ARHGAP32: variants seen among roughly 807,000 people sequenced by gnomAD.
The protein encoded by ARHGAP32 is rho GTPase-activating protein 32.
A neutral mutation model predicts 186.5 loss-of-function variants in ARHGAP32; 51 were observed. That is an observed-to-expected ratio of 0.27 (90% confidence interval 0.22 to 0.35). The LOEUF is 0.35. Ranked by LOEUF, ARHGAP32 falls within the 10% of genes least tolerant of loss-of-function variation. ARHGAP32 has a pLI of 1.00. For missense variants in ARHGAP32, 2,186 were observed against 2,623.5 expected (o/e 0.83, Z 3.64); for synonymous variants, 950 against 964.3 (o/e 0.99, Z 0.27).
chr11:129,162,887 G>A (rs1943559830), intron 2 of ARHGAP32, among the ~76,000 whole-genome samples: 1 of 152,074 alleles, frequency 6.6e-6, no homozygotes, highest in Admixed American at 6.6e-5. Flanking sequence ...AAAACAAGAA[G>A]GGAGATTTCC....
intron 1 of ARHGAP32, among the ~76,000 whole-genome samples, chr11:129,202,714 G>T (rs974954068): frequency 6.6e-6 from 1 of 152,084 alleles, no homozygotes; most frequent in Admixed American, 6.6e-5. Context: ...TTAATAAAAA[G>T]ATACAATAAC....
intron 2 of ARHGAP32, among the ~76,000 whole-genome samples, chr11:129,161,949 T>C (rs1342293729): frequency 6.6e-6 from 1 of 152,208 alleles, no homozygotes; most frequent in Non-Finnish European, 1.5e-5. Flanking sequence ...ATATACACCA[T>C]GGAATACTAT....
At chr11:129,157,140 C>T (rs1943427013) in intron 2 of ARHGAP32, among the ~76,000 whole-genome samples, 1 of 152,080 alleles carries the variant, frequency 6.6e-6, no homozygotes, top group African/African-American at 2.4e-5. Context: ...AGCAAAAAGG[C>T]TGAAAATTCC....
intron 1 of ARHGAP32, among the ~76,000 whole-genome samples, chr11:129,271,771 T>C (rs1252245102): frequency 3.3e-5 from 5 of 152,172 alleles, no homozygotes; most frequent in South Asian, 2.1e-4. Context: ...ACTAGTAAAG[T>C]TGGCCACTGT....
chr11:128,976,503 T>C (rs1039174352), intron 20 of ARHGAP32, 60 bp downstream of exon 20: 5 of 1,331,278 alleles, frequency 3.8e-6, no homozygotes, highest in Admixed American at 1.7e-5. Context: ...ATATACTCAA[T>C]TGCAGTATTC....
At chr11:129,133,262 C>T (rs1355553901) in intron 2 of ARHGAP32, among the ~76,000 whole-genome samples, 5 of 152,040 alleles carry the variant, frequency 3.3e-5, no homozygotes, top group Non-Finnish European at 7.4e-5. Context: ...TATGAACAGA[C>T]CTATAGATAG....
intron 5 of ARHGAP32, among the ~76,000 whole-genome samples, chr11:129,117,459 T>C (rs1305232723): frequency 6.6e-6 from 1 of 152,032 alleles, no homozygotes; most frequent in African/African-American, 2.4e-5. Flanking sequence ...CCCCTCAATA[T>C]TCCTACACTC....
chr11:129,211,710 T>C (rs1418324747), intron 1 of ARHGAP32, among the ~76,000 whole-genome samples: 1 of 152,224 alleles, frequency 6.6e-6, no homozygotes, highest in African/African-American at 2.4e-5. Flanking sequence ...TTCCAGAATC[T>C]ACATTTGAAA....
intron 1 of ARHGAP32, among the ~76,000 whole-genome samples, chr11:129,205,869 C>A (rs1944508768): frequency 6.6e-6 from 1 of 152,140 alleles, no homozygotes; most frequent in Admixed American, 6.5e-5. Context: ...AGTATGTACT[C>A]AAATATCATT....
intron 11 of ARHGAP32, among the ~76,000 whole-genome samples, chr11:129,003,186 G>C (rs563623905): frequency 6.6e-6 from 1 of 152,114 alleles, no homozygotes; most frequent in African/African-American, 2.4e-5. Flanking sequence ...ATGATGTATC[G>C]CATGTATTGA....
At chr11:129,178,209 A>C (rs906382710) in intron 1 of ARHGAP32, among the ~76,000 whole-genome samples, 3 of 152,102 alleles carry the variant, frequency 2.0e-5, no homozygotes, top group African/African-American at 7.2e-5. Flanking sequence ...CAAAGAGAAT[A>C]AAATACCTAG....
intron 1 of ARHGAP32, among the ~76,000 whole-genome samples, chr11:129,259,668 A>T (rs760628054): frequency 6.6e-6 from 1 of 152,174 alleles, no homozygotes; most frequent in Non-Finnish European, 1.5e-5. Context: ...AGAACATAAT[A>T]AGAACTGCAG....
intron 11 of ARHGAP32, among the ~76,000 whole-genome samples, chr11:129,004,526 T>C (rs1346630449): frequency 6.6e-6 from 1 of 152,156 alleles, no homozygotes; most frequent in African/African-American, 2.4e-5. Context: ...TAACAATATT[T>C]GCTTGATATT....
chr11:129,126,668 T>G (rs906818194), intron 2 of ARHGAP32, among the ~76,000 whole-genome samples: 2 of 152,148 alleles, frequency 1.3e-5, no homozygotes, highest in East Asian at 3.8e-4. Context: ...ACGTACATGA[T>G]ATATCAGACT....
intron 6 of ARHGAP32, among the ~76,000 whole-genome samples, chr11:129,073,361 A>T (rs556685665): frequency 6.6e-6 from 1 of 152,356 alleles, no homozygotes; most frequent in African/African-American, 2.4e-5. Context: ...AAAGTAGACA[A>T]TATGCAAGAA....
upstream of ARHGAP32, among the ~76,000 whole-genome samples, chr11:129,193,616 T>C (rs1314899355): frequency 1.7e-5 from 1 of 58,564 alleles, no homozygotes; most frequent in Non-Finnish European, 3.3e-5. Flanking sequence ...ATATAATATA[T>C]GTTATATAAT....
chr11:128,989,835 T>A (rs1945996007), intron 12 of ARHGAP32, among the ~76,000 whole-genome samples: 2 of 151,916 alleles, frequency 1.3e-5, no homozygotes, highest in Admixed American at 1.3e-4. Flanking sequence ...CTTGTGATAG[T>A]TTGCTGAGAA....
chr11:129,104,573 A>C (rs1941997514), intron 5 of ARHGAP32, among the ~76,000 whole-genome samples: 1 of 152,056 alleles, frequency 6.6e-6, no homozygotes, highest in East Asian at 1.9e-4. Flanking sequence ...ACCTTAAAAG[A>C]AATTAAGACT....
chr11:129,052,894 A>G (rs996347183), intron 10 of ARHGAP32, among the ~76,000 whole-genome samples: 1 of 152,126 alleles, frequency 6.6e-6, no homozygotes, highest in Non-Finnish European at 1.5e-5. Context: ...ATTCCATTTT[A>G]GAATGACAAA....
Sources: allele counts gnomAD v4.1 joint callset (sites outside exome capture counted in the v4.1 genomes callset), GRCh38; gene constraint gnomAD v4.1.1; transcripts MANE v1.5; gene names NCBI Gene and HGNC (gene_info 2026-07-23, HGNC 2026-07-21).